LARGE1: variants seen among roughly 807,000 people sequenced by gnomAD.
The protein encoded by LARGE1 is xylosyl- and glucuronyltransferase LARGE1.
Under a neutral mutation model 87.6 loss-of-function variants are expected in LARGE1, and 43 were observed. The observed-to-expected ratio is 0.49, with a 90% CI of 0.38 to 0.63. LARGE1 has a LOEUF of 0.63. Among genes scored for constraint, LARGE1 ranks in the 30% least tolerant of loss-of-function variants. LARGE1 has a pLI of 0.00. For missense variants in LARGE1, 802 were observed against 1,000.2 expected, an observed-to-expected ratio of 0.80 and a Z score of 2.67; for synonymous variants, 434 against 394.6, an observed-to-expected ratio of 1.10 and a Z score of -1.18.
At chr22:33,748,717 C>T (rs1263952047) in intron 2 of LARGE1, among the ~76,000 whole-genome samples, 3 of 152,196 alleles carry the variant, frequency 2.0e-5, no homozygotes, top group African/African-American at 7.2e-5. Context: ...ATGGCCCTTT[C>T]CTCTTTGTTC....
At chr22:33,242,366 C>T in intron 11 of LARGE1, among the ~76,000 whole-genome samples, 1 of 152,124 alleles carries the variant, frequency 6.6e-6, no homozygotes, top group East Asian at 1.9e-4. Flanking sequence ...TAATGCACTT[C>T]CCCAAGTAGA....
intron 1 of LARGE1, among the ~76,000 whole-genome samples, chr22:33,791,474 A>C (rs1401512646): frequency 6.6e-6 from 1 of 152,232 alleles, no homozygotes; most frequent in Non-Finnish European, 1.5e-5. Flanking sequence ...CAAAGGAAGA[A>C]AAATACTAGC....
chr22:33,803,878 C>T (rs1456154392), intron 1 of LARGE1, among the ~76,000 whole-genome samples: 2 of 152,202 alleles, frequency 1.3e-5, no homozygotes, highest in Admixed American at 6.5e-5. Context: ...ATATTGTTTG[C>T]ATCAACAGTT....
chr22:33,543,174 TTGAA>T (rs902172281), intron 6 of LARGE1, among the ~76,000 whole-genome samples: 3 of 151,706 alleles, frequency 2.0e-5, no homozygotes, highest in African/African-American at 7.3e-5. Context: ...CCTAATTGGC[TTGAA>T]TGGTGACACA....
chr22:33,700,607 C>T (rs2082377881), intron 2 of LARGE1, among the ~76,000 whole-genome samples: 1 of 152,168 alleles, frequency 6.6e-6, no homozygotes, highest in East Asian at 1.9e-4. Context: ...AGAAGCTGTT[C>T]AGAGCCCACT....
chr22:33,193,131 G>A (rs1196818167), intron 11 of LARGE1, among the ~76,000 whole-genome samples: 1 of 151,776 alleles, frequency 6.6e-6, no homozygotes, highest in East Asian at 1.9e-4. Context: ...GATGCAATGA[G>A]GAAAAAAGAA....
the LARGE1 span, among the ~76,000 whole-genome samples, chr22:33,154,904 T>C: frequency 6.6e-6 from 1 of 152,298 alleles, no homozygotes; most frequent in South Asian, 2.1e-4. Context: ...TTTCCCATGC[T>C]GTTCTTGTGA....
chr22:33,470,399 C>T (rs1275355386), intron 6 of LARGE1, among the ~76,000 whole-genome samples: 2 of 152,208 alleles, frequency 1.3e-5, no homozygotes, highest in African/African-American at 4.8e-5. Context: ...CTTCAACCTG[C>T]CACACAACTT....
At chr22:33,367,709 G>A (rs1162032971) in intron 9 of LARGE1, among the ~76,000 whole-genome samples, 1 of 152,132 alleles carries the variant, frequency 6.6e-6, no homozygotes. Context: ...TTACAGGCAT[G>A]AGTCACCAGG....
the LARGE1 span, chr22:33,105,527 C>T: frequency 2.0e-5 from 3 of 152,122 alleles, no homozygotes; most frequent in African/African-American, 4.8e-5. Context: ...AGGAGCTTCC[C>T]GAGGCTCCCC....
intron 1 of LARGE1, among the ~76,000 whole-genome samples, chr22:33,913,502 T>A (rs574992358): frequency 6.6e-6 from 1 of 152,346 alleles, no homozygotes; most frequent in Non-Finnish European, 1.5e-5. Context: ...GGGTTATTTG[T>A]TAAAACATTC....
intron 11 of LARGE1, among the ~76,000 whole-genome samples, chr22:33,239,538 T>TC (rs1555884624): frequency 4.7e-5 from 6 of 128,128 alleles, no homozygotes; most frequent in Non-Finnish European, 9.7e-5. Flanking sequence ...TTCTTTTCTT[T>TC]TTTTTTTTTT....
At chr22:33,267,552 G>A (rs1387836388), downstream of LARGE1, among the ~76,000 whole-genome samples, 7 of 151,502 alleles carry the variant, frequency 4.6e-5, 1 homozygote, top group Admixed American at 4.6e-4. Context: ...ACTGCAGAAG[G>A]CATCACTTAC....
chr22:33,837,024 A>T (rs2063127441), intron 1 of LARGE1, among the ~76,000 whole-genome samples: 1 of 152,160 alleles, frequency 6.6e-6, no homozygotes, highest in Non-Finnish European at 1.5e-5. Flanking sequence ...GAATGTGGCT[A>T]GAACCCAGGC....
chr22:33,880,270 G>C (rs2064635617), intron 1 of LARGE1, among the ~76,000 whole-genome samples: 1 of 152,176 alleles, frequency 6.6e-6, no homozygotes, highest in Non-Finnish European at 1.5e-5. Context: ...CTGGACCCAA[G>C]TCAGATCAGA....
intron 6 of LARGE1, among the ~76,000 whole-genome samples, chr22:33,517,678 C>T (rs988188813): frequency 1.3e-5 from 2 of 152,202 alleles, no homozygotes; most frequent in South Asian, 2.1e-4. Context: ...GGATTACAGG[C>T]GTGAGCCACT....
chr22:33,491,422 A>G (rs530735954), intron 6 of LARGE1, among the ~76,000 whole-genome samples: 1 of 152,340 alleles, frequency 6.6e-6, no homozygotes, highest in South Asian at 2.1e-4. Flanking sequence ...AACCTCTGAT[A>G]AAAGTAGTTA....
chr22:33,562,235 G>A (rs1246231741), intron 6 of LARGE1, among the ~76,000 whole-genome samples: 1 of 152,208 alleles, frequency 6.6e-6, no homozygotes, highest in Non-Finnish European at 1.5e-5. Context: ...GACATATGGA[G>A]AAGAGATGAG....
chr22:33,352,149 A>G (rs1036210956), intron 9 of LARGE1, among the ~76,000 whole-genome samples: 1 of 152,220 alleles, frequency 6.6e-6, no homozygotes, highest in African/African-American at 2.4e-5. Flanking sequence ...TCCTGACACA[A>G]TGTGAGGAGG....
Sources: allele counts gnomAD v4.1 joint callset (sites outside exome capture counted in the v4.1 genomes callset), GRCh38; gene constraint gnomAD v4.1.1; transcripts MANE v1.5; gene names NCBI Gene and HGNC (gene_info 2026-07-23, HGNC 2026-07-21).